The following DCP2 variants were observed in gnomAD, a reference collection of about 807,000 sequenced individuals.
The protein encoded by DCP2 is m7GpppN-mRNA hydrolase.
Under a neutral mutation model 56.1 loss-of-function variants are expected in DCP2, and 30 were observed. The observed-to-expected ratio is 0.53, with a 90% CI of 0.40 to 0.73. The LOEUF (loss-of-function observed/expected upper bound fraction) is 0.73. Among genes scored for constraint, DCP2 ranks in the 30% least tolerant of loss-of-function variants. The probability of loss-of-function intolerance (pLI) is 0.00; values close to 1 mark genes in which losing one functional copy is unlikely to be tolerated. For synonymous variants in DCP2, 197 were observed against 163.3 expected (o/e 1.21, Z -1.57); for missense variants, 533 against 502.7 (o/e 1.06, Z -0.58).
rs1324230795 is a variant in DCP2 at position 113,007,821 on chromosome 5, G to A, written c.943-117G>A. ...GATAGGGTGATTAATGAAAATTTGG[G>A]TAGGAGAAGCTTTGCTAAAAACTTG... On this transcript the variant is annotated intron_variant, in intron 8 of 10. Coordinates refer to ENST00000389063, the MANE Select transcript of DCP2 (RefSeq NM_152624.6). 5 of 778,008 alleles carry A rather than the reference G, an allele frequency of 6.4e-6. No homozygotes were observed. The South Asian group carries it at 8.5e-5, about 13-fold the overall frequency. The allele number at this position is 778,008 out of a possible 1,614,324, so 48.2% of individuals were successfully genotyped here. A position where few individuals can be genotyped will look rare whatever the true frequency, so the allele number is the denominator to read the frequency against.
intron 4 of DCP2, among the ~76,000 whole-genome samples, chr5:112,995,162 C>T (rs1748791819): frequency 6.6e-6 from 1 of 151,992 alleles, no homozygotes; most frequent in South Asian, 2.1e-4. Context: ...AACAGCTTGC[C>T]CAAGCTATTA....
chr5:113,007,562 G>A (rs1430723887), intron 8 of DCP2, among the ~76,000 whole-genome samples: 6 of 151,990 alleles, frequency 3.9e-5, no homozygotes, highest in East Asian at 1.9e-4. Flanking sequence ...CACCATGCCC[G>A]GATAAGTTTT....
chr5:113,002,046 GGTTT>G (rs1749205901), intron 7 of DCP2, among the ~76,000 whole-genome samples: 3 of 152,308 alleles, frequency 2.0e-5, no homozygotes, highest in Admixed American at 2.0e-4. Context: ...GATATGTTGA[GGTTT>G]GTTTTCTTGT....
intron 8 of DCP2, among the ~76,000 whole-genome samples, chr5:113,006,042 C>T (rs1749416206): frequency 6.6e-6 from 1 of 151,152 alleles, no homozygotes; most frequent in Non-Finnish European, 1.5e-5. Flanking sequence ...GGGAAAATCA[C>T]CTGAGCCTGG....
Position 112,977,045 on chromosome 5 carries a change from C to T in DCP2, c.53+59C>T, listed in dbSNP as rs77052679. 1,295 of 1,380,266 alleles carry T rather than the reference C, an allele frequency of 9.4e-4. 11 individuals carry two copies. In the African/African-American group the frequency reaches 0.017, roughly 18 times the overall value. The allele number at this position is 1,380,266 out of a possible 1,614,324, so 85.5% of individuals were successfully genotyped here. Reference sequence around the variant, plus strand: ...CGGGTTTTCTCAGTTTCGCGGACCCCCAGAGGCCTCTGGGTCTTCTTCCCC... The same window carrying T: ...CGGGTTTTCTCAGTTTCGCGGACCCTCAGAGGCCTCTGGGTCTTCTTCCCC... On this transcript the variant is annotated intron_variant, in intron 1 of 10. Coordinates refer to ENST00000389063, the MANE Select transcript of DCP2 (RefSeq NM_152624.6).
In DCP2 at chr5:113,015,447, A is replaced by G. The variant is rs1749848062; in HGVS notation, c.*1963A>G. Reference sequence around the variant, plus strand: ...ATTTTTCAGCTCTCAATACTGAAGCAAAAGAGATTATAGTTACCAGAAGTA... The same window carrying G: ...ATTTTTCAGCTCTCAATACTGAAGCGAAAGAGATTATAGTTACCAGAAGTA... On this transcript the variant is annotated 3_prime_UTR_variant, in exon 11 of 11. Coordinates refer to ENST00000389063, the MANE Select transcript of DCP2 (RefSeq NM_152624.6). 1 of 152,456 alleles carries G rather than the reference A, an allele frequency of 6.6e-6. No individual in the cohort carries two copies. Among genetic ancestry groups the G allele is most frequent in the South Asian group, 2.1e-4 (1 of 4,828 alleles). 9.4% of individuals were successfully genotyped at this position (152,456 alleles called of 1,614,324 possible).
chr5:113,010,650 T>G lies in DCP2; in HGVS notation c.1048-106T>G, dbSNP rs1324697518. 2.4e-6 allele frequency: 3 copies of G among 1,253,494 alleles called. No homozygotes were observed. The Admixed American group carries it at 9.4e-5, about 39-fold the overall frequency. The allele number at this position is 1,253,494 out of a possible 1,614,324, so 77.6% of individuals were successfully genotyped here. A position where few individuals can be genotyped will look rare whatever the true frequency, so the allele number is the denominator to read the frequency against. On this transcript the variant is annotated intron_variant, in intron 9 of 10. Transcript: ENST00000389063. ...GATGATTATATTCCTGGTTCAGTTT[T>G]TCTTCCTGAGAAATTTGATAATACA...
At chr5:112,977,900 C>G (rs1206241682) in intron 1 of DCP2, among the ~76,000 whole-genome samples, 1 of 151,872 alleles carries the variant, frequency 6.6e-6, no homozygotes, top group Non-Finnish European at 1.5e-5. Context: ...GTTGTATCTC[C>G]TTCATGCAGT....
intron 1 of DCP2, among the ~76,000 whole-genome samples, chr5:112,983,783 T>G (rs1025843154): frequency 6.6e-6 from 1 of 152,194 alleles, no homozygotes; most frequent in African/African-American, 2.4e-5. Context: ...AAAAAAAATC[T>G]GAATGGCTTC....
At position 113,013,505 on chromosome 5, in the gene DCP2, A is replaced by G. The variant is rs766365644; in HGVS notation, c.*21A>G. ...TTTGATAGCAGCACATGTATTGTAA[A>G]TGTCCCAGGATCAGAGACCTGTTGA... On this transcript the variant is annotated 3_prime_UTR_variant, in exon 11 of 11. Transcript: ENST00000389063. 2.5e-6 allele frequency: 4 copies of G among 1,612,800 alleles called. No homozygotes were observed. The Admixed American group carries it at 5.0e-5, about 20-fold the overall frequency.
In DCP2 at chr5:113,020,434, A is replaced by G. The variant is rs1750063088; in HGVS notation, c.*6950A>G. The G allele has an allele frequency of 6.6e-6, 1 of 152,218 alleles. No individual in the cohort carries two copies. Among genetic ancestry groups the G allele is most frequent in the African/African-American group, 2.4e-5 (1 of 41,458 alleles). The allele number at this position is 152,218 out of a possible 1,614,324, so 9.4% of individuals were successfully genotyped here. On this transcript the variant is annotated 3_prime_UTR_variant, in exon 11 of 11. Transcript: ENST00000389063. Reference sequence around the variant, plus strand: ...TATACAGTTCTTGGTGCTCTTTTGGAAATTGTCAAACATTTACTGATAGCA... The same window carrying G: ...TATACAGTTCTTGGTGCTCTTTTGGGAATTGTCAAACATTTACTGATAGCA...
At chr5:113,005,153 T>TGTGTGTGTGTGG (rs1554101216) in intron 8 of DCP2, among the ~76,000 whole-genome samples, 7 of 149,444 alleles carry the variant, frequency 4.7e-5, no homozygotes, top group Admixed American at 1.3e-4. Context: ...TGCGTGTGGG[T>TGTGTGTGTGTGG]GTGTGTGTGT....
intron 2 of DCP2, among the ~76,000 whole-genome samples, chr5:112,987,766 G>A (rs10069986): frequency 3.3e-5 from 5 of 151,640 alleles, no homozygotes; most frequent in African/African-American, 1.2e-4. Context: ...GAGCAACTGT[G>A]CCCAAACTGA....
At chr5:113,003,874 T>C (rs1481699668) in intron 7 of DCP2, 68 bp from the exon 8 acceptor site, 1 of 1,523,164 alleles carries the variant, frequency 6.6e-7, no homozygotes, top group African/African-American at 1.4e-5. Flanking sequence ...TAAATTTAAC[T>C]ATTAAGGTGT....
In DCP2 at chr5:112,992,176, G is replaced by A. The variant is rs750276710; in HGVS notation, c.261G>A (p.Leu87=). The A allele has an allele frequency of 1.2e-6, 2 of 1,613,918 alleles. No individual in the cohort carries two copies. Among genetic ancestry groups the A allele is most frequent in the South Asian group, 1.1e-5 (1 of 91,048 alleles). The change falls in exon 3 of 11, where the codon TTG becomes TTA. Residue 87 remains leucine, a synonymous_variant. Coordinates refer to ENST00000389063, the MANE Select transcript of DCP2 (RefSeq NM_152624.6). The stretch of plus-strand genomic sequence containing the variant: ...AAGGTGAAGATGTGGAAAAAGTTTT[G>A]GATGAATGGAAGGAATATAAAATGG... The part of the protein sequence containing the change: ...LPQGEDVEKV[L]DEWKEYKMGV...
At chr5:113,004,411 G>A (rs894219503) in intron 8 of DCP2, among the ~76,000 whole-genome samples, 5 of 152,302 alleles carry the variant, frequency 3.3e-5, no homozygotes, top group South Asian at 2.1e-4. Flanking sequence ...AAGTAACAGC[G>A]TATTGTAAAC....
At chr5:113,006,333 TTTTG>T (rs1483275325) in intron 8 of DCP2, among the ~76,000 whole-genome samples, 1 of 152,066 alleles carries the variant, frequency 6.6e-6, no homozygotes, top group Non-Finnish European at 1.5e-5. Context: ...GTTGCAGAGT[TTTTG>T]TTTGGGATGA....
rs933609757 is a variant in DCP2 at position 113,016,666 on chromosome 5, A to C, written c.*3182A>C. The C allele has an allele frequency of 6.6e-6, 1 of 152,188 alleles. No individual in the cohort carries two copies. Among genetic ancestry groups the C allele is most frequent in the African/African-American group, 2.4e-5 (1 of 41,452 alleles). 9.4% of individuals were successfully genotyped at this position (152,188 alleles called of 1,614,324 possible). On this transcript the variant is annotated 3_prime_UTR_variant, in exon 11 of 11. Coordinates refer to ENST00000389063, the MANE Select transcript of DCP2 (RefSeq NM_152624.6). ...AAGTCACCATATTGTATCCTATAGA[A>C]AAGTTAAGGTCTGAGTGCATGTGTG...
chr5:112,979,247 G>C (rs1027308600), intron 1 of DCP2, among the ~76,000 whole-genome samples: 7 of 152,042 alleles, frequency 4.6e-5, no homozygotes, highest in African/African-American at 1.4e-4. Context: ...TTAAAAATTA[G>C]GGCTGGCTGT....
Sources: allele counts gnomAD v4.1 joint callset (sites outside exome capture counted in the v4.1 genomes callset), GRCh38; gene constraint gnomAD v4.1.1; transcripts MANE v1.5; gene names NCBI Gene and HGNC (gene_info 2026-07-23, HGNC 2026-07-21).